Variants in DIP2C observed in about 807,000 individuals in gnomAD.
DIP2C encodes the protein DIP2 acetate--CoA ligase C (putative).
DIP2C carries 33 observed loss-of-function variants against 192.4 expected under a neutral mutation model. The ratio of observed to expected loss-of-function variants is 0.17; its 90% CI spans 0.13 to 0.23. The LOEUF (loss-of-function observed/expected upper bound fraction) is 0.23, where lower values mean the gene tolerates loss of function less well. Among genes scored for constraint, DIP2C ranks in the 10% least tolerant of loss-of-function variants. DIP2C has a pLI of 1.00. For synonymous variants in DIP2C, 979 were observed against 864.1 expected, an observed-to-expected ratio of 1.13 and a Z score of -2.33; for missense variants, 1,537 against 2,110.1, an observed-to-expected ratio of 0.73 and a Z score of 5.32.
chr10:605,582 G>A (rs904934050), intron 1 of DIP2C, among the ~76,000 whole-genome samples: 2 of 152,178 alleles, frequency 1.3e-5, no homozygotes, highest in Non-Finnish European at 1.5e-5. Flanking sequence ...TTTAGATGGA[G>A]TGTGAAGACT....
intron 2 of DIP2C, among the ~76,000 whole-genome samples, chr10:485,894 C>A (rs1227730500): frequency 6.6e-6 from 1 of 152,206 alleles, no homozygotes; most frequent in Non-Finnish European, 1.5e-5. Context: ...ATATGAGATT[C>A]TTTTTCCTGA....
Position 514,649 on chromosome 10 carries a change from G to A in DIP2C, c.86-28119C>T, listed in dbSNP as rs571107511. Among the ~76,000 whole-genome samples, 31 of 151,912 alleles carry A rather than the reference G, an allele frequency of 2.0e-4. No homozygotes were observed. In the South Asian group the frequency reaches 3.5e-3, roughly 17 times the overall value. ...CCACCTCCTCCTGGCCCCTGACACC[G>A]ACCCTCACCACTGCTGCCAACACCG... On this transcript the variant is annotated intron_variant, in intron 1 of 36. Coordinates refer to ENST00000280886, the MANE Select transcript of DIP2C (RefSeq NM_014974.3).
At chr10:398,814 T>C (rs1036997580) in intron 10 of DIP2C, among the ~76,000 whole-genome samples, 1 of 150,882 alleles carries the variant, frequency 6.6e-6, no homozygotes, top group South Asian at 2.1e-4. Flanking sequence ...AAAAAAAAAC[T>C]ATCATTTACC....
At chr10:503,607 C>T (rs1015021152) in intron 1 of DIP2C, among the ~76,000 whole-genome samples, 1 of 152,200 alleles carries the variant, frequency 6.6e-6, no homozygotes, top group African/African-American at 2.4e-5. Context: ...AGACCCAAAA[C>T]CAGTGGGTGC....
At chr10:293,581 A>G (rs116207246) in intron 32 of DIP2C, among the ~76,000 whole-genome samples, 2,743 of 152,346 alleles carry the variant, frequency 0.018, 68 homozygotes, top group African/African-American at 0.063. Context: ...ATTAACAGAG[A>G]TGCTGTGACT....
chr10:553,681 T>G (rs816649), intron 1 of DIP2C, among the ~76,000 whole-genome samples: 93,054 of 152,076 alleles, frequency 0.61, 29,476 homozygotes, highest in African/African-American at 0.77. Flanking sequence ...GCTTGTAACT[T>G]TAAGAGTGGC....
intron 1 of DIP2C, among the ~76,000 whole-genome samples, chr10:553,989 G>A (rs1307736840): frequency 1.3e-5 from 2 of 151,486 alleles, no homozygotes; most frequent in African/African-American, 4.9e-5. Context: ...TGTAAGAGTG[G>A]CGAACAGGCA....
At chr10:426,643 G>T (rs1184145555) in intron 4 of DIP2C, among the ~76,000 whole-genome samples, 3 of 152,218 alleles carry the variant, frequency 2.0e-5, no homozygotes, top group Non-Finnish European at 4.4e-5. Flanking sequence ...AGTATTAGCA[G>T]AAGAATAGAT....
intron 5 of DIP2C, among the ~76,000 whole-genome samples, chr10:422,130 A>AC (rs1564692385): frequency 1.3e-5 from 2 of 152,154 alleles, no homozygotes; most frequent in African/African-American, 4.8e-5. Context: ...CGACGTGGTA[A>AC]GCAGTCGTCT....
intron 7 of DIP2C, among the ~76,000 whole-genome samples, chr10:414,906 A>T (rs936480863): frequency 0.035 from 2,883 of 82,852 alleles, 66 homozygotes; most frequent in South Asian, 0.051. Context: ...ATATATATAT[A>T]TTTTTTTTTT....
At chr10:577,379 A>C (rs1850237820) in intron 1 of DIP2C, among the ~76,000 whole-genome samples, 1 of 152,264 alleles carries the variant, frequency 6.6e-6, no homozygotes, top group Admixed American at 6.5e-5. Context: ...GAAATTAGTC[A>C]CGTTTAAGTC....
At chr10:281,832 G>C (rs1954846192) in intron 35 of DIP2C, among the ~76,000 whole-genome samples, 1 of 152,172 alleles carries the variant, frequency 6.6e-6, no homozygotes, top group Non-Finnish European at 1.5e-5. Context: ...TCTTGTTCAT[G>C]AACATTTCCT....
chr10:426,293 A>G (rs1966594247), intron 4 of DIP2C, among the ~76,000 whole-genome samples: 1 of 152,350 alleles, frequency 6.6e-6, no homozygotes, highest in East Asian at 1.9e-4. Flanking sequence ...ACAAAAAGGT[A>G]CAAAATGTGT....
At chr10:372,920 C>A (rs1961164122) in intron 17 of DIP2C, among the ~76,000 whole-genome samples, 2 of 152,346 alleles carry the variant, frequency 1.3e-5, no homozygotes, top group South Asian at 2.1e-4. Context: ...CTGATGCCTC[C>A]CCCTCCAGAT....
At chr10:562,188 G>A (rs1849255602) in intron 1 of DIP2C, among the ~76,000 whole-genome samples, 1 of 152,192 alleles carries the variant, frequency 6.6e-6, no homozygotes, top group Non-Finnish European at 1.5e-5. Context: ...GCAGAGGGTT[G>A]GGCAGGCCGC....
Position 408,983 on chromosome 10 carries a change from G to A in DIP2C, c.1092C>T (p.Tyr364=), listed in dbSNP as rs546749564. Residue 364 remains tyrosine, a synonymous_variant, in exon 9 of 37, where the codon TAC becomes TAT. Coordinates refer to ENST00000280886, the MANE Select transcript of DIP2C (RefSeq NM_014974.3). ...TTGTGCCTAATTTGTGTAGAATGCT[G>A]TAAGCGACCTTCATACTTCTTGTCC... ...KLWTRSMKVA[Y]SILHKLGTKQ... 5.0e-6 allele frequency: 8 copies of A among 1,614,212 alleles called. No individual in the cohort carries two copies. Among genetic ancestry groups the A allele is most frequent in the African/African-American group, 1.3e-5 (1 of 75,064 alleles).
rs1314040881 is a variant in DIP2C, at chr10:399,380, C to G, written c.1150-161G>C. 2.6e-5 allele frequency among the ~76,000 whole-genome samples: 4 copies of G among 152,262 alleles called. No homozygotes were observed. In the East Asian group the frequency reaches 7.7e-4, roughly 29 times the overall value. The stretch of plus-strand genomic sequence containing the variant: ...CTGTGTTTTAATAAGCATCACACAC[C>G]CGGCCTTGAATTCATATAGAAGACA... On this transcript the variant is annotated intron_variant, in intron 9 of 36. Transcript: ENST00000280886.
intron 1 of DIP2C, among the ~76,000 whole-genome samples, chr10:637,340 C>A (rs939780264): frequency 1.3e-5 from 2 of 151,246 alleles, no homozygotes; most frequent in Non-Finnish European, 2.9e-5. Context: ...TCACAACCTG[C>A]CTTTGTCCAC....
chr10:416,092 G>C (rs548083304), intron 6 of DIP2C, among the ~76,000 whole-genome samples: 2 of 151,794 alleles, frequency 1.3e-5, no homozygotes, highest in African/African-American at 2.4e-5. Flanking sequence ...CATCGGACCC[G>C]AATGTCTACC....
Sources: gnomAD v4.1 joint callset for allele counts (sites outside exome capture counted in the v4.1 genomes callset) on GRCh38, gnomAD v4.1.1 for gene constraint, MANE v1.5 for transcripts, NCBI Gene and HGNC (gene_info 2026-07-23, HGNC 2026-07-21) for gene names.